Variants in LNX2 observed in about 807,000 individuals in gnomAD.
The protein encoded by LNX2 is ligand of Numb protein X 2.
A neutral mutation model predicts 66.2 loss-of-function variants in LNX2; 35 were observed. That is an observed-to-expected ratio of 0.53 (90% CI 0.40 to 0.70). The LOEUF (loss-of-function observed/expected upper bound fraction) is 0.70, where lower values mean the gene tolerates loss of function less well. Among genes scored for constraint, LNX2 ranks in the 30% least tolerant of loss-of-function variants. LNX2 has a pLI of 0.00. For synonymous variants in LNX2, 337 were observed against 315.6 expected, an observed-to-expected ratio of 1.07 and a Z score of -0.72; for missense variants, 791 against 850.8, an observed-to-expected ratio of 0.93 and a Z score of 0.87.
intron 5 of LNX2, among the ~76,000 whole-genome samples, chr13:27,561,369 C>T (rs1429361958): frequency 6.6e-6 from 1 of 152,118 alleles, no homozygotes; most frequent in Non-Finnish European, 1.5e-5. Flanking sequence ...TCTTCCTCCT[C>T]CTCTTTTCTC....
At chr13:27,603,153 C>T (rs937545839) in intron 1 of LNX2, among the ~76,000 whole-genome samples, 3 of 152,118 alleles carry the variant, frequency 2.0e-5, no homozygotes, top group Non-Finnish European at 4.4e-5. Flanking sequence ...TCTCTTACTA[C>T]TTAATAATAC....
At chr13:27,593,757 C>CTT (rs1165023707) in intron 1 of LNX2, among the ~76,000 whole-genome samples, 2 of 118,096 alleles carry the variant, frequency 1.7e-5, no homozygotes, top group African/African-American at 3.2e-5. Context: ...TGTGTGTGTT[C>CTT]TTTTTTTTTT....
rs1178487602 is a variant in LNX2 at position 27,550,346 on chromosome 13, C to G, written c.1924G>C (p.Asp642His). The G allele has an allele frequency of 1.2e-6, 2 of 1,612,802 alleles. No individual in the cohort carries two copies. The highest frequency in any genetic ancestry group is 2.2e-5 in the South Asian group (2 of 90,978). The change falls in exon 9 of 10, where the codon GAT (aspartate) becomes CAT (histidine). Residue 642 changes from aspartate to histidine, a missense_variant. Transcript: ENST00000316334. ...AACAAGACTCACTTTAATCTTCCAT[C>G]ATAATAAGCAGGAGTTCCCAAGACA... ...TIVLGTPAYY[D>H]GRLKCGDMIV...
At chr13:27,595,489 A>G (rs909616246) in intron 1 of LNX2, among the ~76,000 whole-genome samples, 6 of 134,390 alleles carry the variant, frequency 4.5e-5, no homozygotes, top group Non-Finnish European at 6.4e-5. Flanking sequence ...AAATGTGTCA[A>G]CTTTTACCTG....
At chr13:27,605,003 G>A (rs1345154021) in intron 1 of LNX2, among the ~76,000 whole-genome samples, 1 of 151,826 alleles carries the variant, frequency 6.6e-6, no homozygotes, top group Non-Finnish European at 1.5e-5. Flanking sequence ...TTACAAGAAG[G>A]GTTTCATAAA....
chr13:27,591,922 C>T (rs1399685750), intron 1 of LNX2, among the ~76,000 whole-genome samples: 1 of 152,162 alleles, frequency 6.6e-6, no homozygotes, highest in African/African-American at 2.4e-5. Flanking sequence ...AACTAGAAAG[C>T]CATGCAGGTA....
At chr13:27,590,984 A>G (rs74040816) in intron 1 of LNX2, among the ~76,000 whole-genome samples, 3 of 147,928 alleles carry the variant, frequency 2.0e-5, no homozygotes, top group African/African-American at 7.4e-5. Context: ...ATACATATAT[A>G]TGTGTGTGTG....
intron 9 of LNX2, among the ~76,000 whole-genome samples, 158 bp from the exon 10 acceptor site, chr13:27,548,628 C>T (rs1434354297): frequency 6.6e-6 from 1 of 152,216 alleles, no homozygotes; most frequent in Non-Finnish European, 1.5e-5. Context: ...GCCCTTAAGC[C>T]TATGCTGGCT....
In LNX2 at chr13:27,547,696, A is replaced by G. The variant is rs922660172; in HGVS notation, c.*639T>C. ...ACGGTGAAACCCCGTCTCTACTAAA[A>G]GTACAAAAAATTAGCTGGGCATGGT... is the stretch of plus-strand genomic sequence containing the variant. On this transcript the variant is annotated 3_prime_UTR_variant, in exon 10 of 10. Transcript: ENST00000316334. 1.3e-5 allele frequency: 2 copies of G among 152,422 alleles called. No individual in the cohort carries two copies. Among genetic ancestry groups the G allele is most frequent in the African/African-American group, 2.4e-5 (1 of 41,438 alleles). 9.4% of individuals were successfully genotyped at this position (152,422 alleles called of 1,614,324 possible).
intron 2 of LNX2, among the ~76,000 whole-genome samples, chr13:27,569,519 G>A (rs1271007725): frequency 1.3e-5 from 2 of 152,178 alleles, no homozygotes; most frequent in Non-Finnish European, 2.9e-5. Context: ...GAATACGTCA[G>A]TAAAAAATTG....
At chr13:27,614,818 C>T (rs1363901712) in intron 1 of LNX2, among the ~76,000 whole-genome samples, 3 of 152,088 alleles carry the variant, frequency 2.0e-5, no homozygotes, top group African/African-American at 4.8e-5. Context: ...GAAATCCCAA[C>T]GGGGAAGGGG....
At chr13:27,605,547 C>A (rs1408717233) in intron 1 of LNX2, among the ~76,000 whole-genome samples, 1 of 152,132 alleles carries the variant, frequency 6.6e-6, no homozygotes, top group Admixed American at 6.5e-5. Context: ...TTTCATATAA[C>A]CCTAGTACAG....
chr13:27,579,496 G>A (rs747646417), intron 2 of LNX2, among the ~76,000 whole-genome samples: 11 of 152,066 alleles, frequency 7.2e-5, no homozygotes, highest in Non-Finnish European at 1.2e-4. Flanking sequence ...AACTGGATAA[G>A]CCTTTACCAA....
At chr13:27,602,589 T>A (rs765888213) in intron 1 of LNX2, among the ~76,000 whole-genome samples, 2 of 152,220 alleles carry the variant, frequency 1.3e-5, no homozygotes, top group African/African-American at 2.4e-5. Context: ...ATCACTGTAT[T>A]GTGTCCCTTA....
At chr13:27,554,868 C>T (rs1406647808) in intron 7 of LNX2, among the ~76,000 whole-genome samples, 4 of 152,214 alleles carry the variant, frequency 2.6e-5, no homozygotes, top group Non-Finnish European at 4.4e-5. Context: ...AGGGTTTCCA[C>T]TGCTCCACAT....
intron 1 of LNX2, among the ~76,000 whole-genome samples, chr13:27,604,666 A>G (rs1472928817): frequency 6.6e-6 from 1 of 152,102 alleles, no homozygotes; most frequent in Non-Finnish European, 1.5e-5. Context: ...TCTACCATTT[A>G]ATTATTTTAT....
Position 27,581,455 on chromosome 13 carries a change from GA to G in LNX2, c.248del (p.Phe83SerfsTer20), listed in dbSNP as rs1455620481. On this transcript the variant is annotated frameshift_variant, in exon 2 of 10. Coordinates refer to ENST00000316334, the MANE Select transcript of LNX2 (RefSeq NM_153371.4). LOFTEE classifies it high-confidence loss of function. ...GAAGTCTTTTCCGGTCCAACGGACA[GA>G]AATCTTTCTCTTGTAAAAAGTTTCT... ...CLRNFLQEKDFCPLDRKRLHF... is the reference protein window; with the variant it reads ...CLRNFLQEKDXCPLDRKRLHF... 1 of 1,611,104 alleles carries G rather than the reference GA, an allele frequency of 6.2e-7. No individual in the cohort carries two copies. Among genetic ancestry groups the G allele is most frequent in the Non-Finnish European group, 8.5e-7 (1 of 1,177,714 alleles).
intron 1 of LNX2, among the ~76,000 whole-genome samples, chr13:27,592,439 G>A (rs754643483): frequency 6.6e-6 from 1 of 152,188 alleles, no homozygotes; most frequent in South Asian, 2.1e-4. Context: ...GCACAAGTCT[G>A]TAAGAGAGCA....
chr13:27,593,563 CTTT>C (rs35280780), intron 1 of LNX2, among the ~76,000 whole-genome samples: 6 of 115,538 alleles, frequency 5.2e-5, no homozygotes, highest in Admixed American at 9.1e-5. Flanking sequence ...CTGGCTGAAA[CTTT>C]TTTTTTTTTT....
Sources: allele counts gnomAD v4.1 joint callset (sites outside exome capture counted in the v4.1 genomes callset), GRCh38; gene constraint gnomAD v4.1.1; transcripts MANE v1.5; gene names NCBI Gene and HGNC (gene_info 2026-07-23, HGNC 2026-07-21).